The following NUP214 variants were observed in gnomAD, a reference collection of about 807,000 sequenced individuals.
NUP214 encodes nuclear pore complex protein Nup214.
In NUP214, 79 loss-of-function variants were observed where a neutral mutation model predicts 196.2. The ratio of observed to expected loss-of-function variants is 0.40; its 90% CI spans 0.34 to 0.49. NUP214 has a LOEUF of 0.49. NUP214 is among the 20% of genes least tolerant of loss of function. NUP214 has a pLI of 0.58. For synonymous variants in NUP214, 1,020 were observed against 990.5 expected (o/e 1.03, Z -0.56); for missense variants, 2,468 against 2,539.0 (o/e 0.97, Z 0.60).
intron 6 of NUP214, 39 bp from the exon 7 acceptor site, chr9:131,133,067 G>A (rs1292644353): frequency 1.4e-6 from 2 of 1,474,494 alleles, no homozygotes; most frequent in African/African-American, 2.8e-5. Flanking sequence ...TCTGGTTGCT[G>A]TCATTTTTAT....
At chr9:131,185,946 A>G (rs1833440486) in intron 24 of NUP214, among the ~76,000 whole-genome samples, 2 of 152,260 alleles carry the variant, frequency 1.3e-5, no homozygotes, top group Admixed American at 6.5e-5. Context: ...AAAATTTTCT[A>G]AAATTTGGAT....
chr9:131,143,257 C>A (rs2133486736), intron 11 of NUP214, among the ~76,000 whole-genome samples: 1 of 152,284 alleles, frequency 6.6e-6, no homozygotes, highest in Non-Finnish European at 1.5e-5. Flanking sequence ...GGTCCTCCTG[C>A]TTTGCCCTCC....
At chr9:131,137,797 C>T (rs1322397382) in intron 9 of NUP214, among the ~76,000 whole-genome samples, 2 of 151,892 alleles carry the variant, frequency 1.3e-5, no homozygotes, top group Admixed American at 6.6e-5. Flanking sequence ...GTGATCCGCC[C>T]GCCTCAGCCT....
intron 11 of NUP214, among the ~76,000 whole-genome samples, chr9:131,144,022 T>A (rs941054886): frequency 1.3e-5 from 2 of 152,230 alleles, no homozygotes; most frequent in Non-Finnish European, 2.9e-5. Flanking sequence ...CTGAACTGTT[T>A]TGTGTGCCAT....
intron 32 of NUP214, among the ~76,000 whole-genome samples, chr9:131,224,936 A>G (rs1372985874): frequency 6.6e-6 from 1 of 152,228 alleles, no homozygotes; most frequent in Non-Finnish European, 1.5e-5. Context: ...CGGTTTTCCT[A>G]TATATGGTTC....
chr9:131,181,275 G>A (rs1833271258), intron 24 of NUP214, among the ~76,000 whole-genome samples: 1 of 152,150 alleles, frequency 6.6e-6, no homozygotes, highest in Non-Finnish European at 1.5e-5. Flanking sequence ...GAGAGTAGAG[G>A]GAACAAGAGG....
In NUP214 at chr9:131,169,033, TG is replaced by T. The variant is rs1459866765; in HGVS notation, c.2893+4890del. On this transcript the variant is annotated intron_variant, in intron 21 of 35. Coordinates refer to ENST00000359428, the MANE Select transcript of NUP214 (RefSeq NM_005085.4). ...GTATTCTGCTTACTTTGTTTTTTTT[TG>T]TTTTTTTTTTTTTTTTGGAGACAGA... 2.0e-3 allele frequency among the ~76,000 whole-genome samples: 113 copies of T among 55,370 alleles called. 1 individual carries two copies. The South Asian group carries it at 0.062, about 30-fold the overall frequency. The allele number at this position is 55,370 out of a possible 152,430, so 36.3% of individuals were successfully genotyped here.
At chr9:131,185,702 G>C (rs1833432904) in intron 24 of NUP214, among the ~76,000 whole-genome samples, 1 of 152,144 alleles carries the variant, frequency 6.6e-6, no homozygotes, top group African/African-American at 2.4e-5. Context: ...ATCTTGATAA[G>C]AGATTTATTG....
chr9:131,170,186 A>T (rs1039096064), intron 21 of NUP214, among the ~76,000 whole-genome samples: 2 of 152,176 alleles, frequency 1.3e-5, no homozygotes, highest in African/African-American at 4.8e-5. Flanking sequence ...CCACAATAAA[A>T]AAATAAATAA....
chr9:131,170,120 T>C (rs921680482), intron 21 of NUP214, among the ~76,000 whole-genome samples: 16 of 152,156 alleles, frequency 1.1e-4, no homozygotes, highest in African/African-American at 3.6e-4. Context: ...ATTTATGCCA[T>C]GGAACTGTAC....
chr9:131,158,600 T>C (rs916846623), intron 17 of NUP214, among the ~76,000 whole-genome samples: 1 of 152,220 alleles, frequency 6.6e-6, no homozygotes, highest in African/African-American at 2.4e-5. Context: ...ATGCTGTGAA[T>C]AGATAGGTTT....
chr9:131,128,592 G>C (rs1831436082), intron 3 of NUP214, 109 bp downstream of exon 3: 2 of 928,090 alleles, frequency 2.2e-6, no homozygotes, highest in Non-Finnish European at 1.5e-6. Flanking sequence ...TTTCTCTCTA[G>C]ATTAAAATAT....
intron 28 of NUP214, 37 bp from the exon 29 acceptor site, chr9:131,197,179 A>G (rs1207701480): frequency 6.2e-7 from 1 of 1,600,536 alleles, no homozygotes; most frequent in African/African-American, 1.3e-5. Context: ...ATCTTTTGCT[A>G]AATCCAACCC....
intron 23 of NUP214, among the ~76,000 whole-genome samples, chr9:131,177,565 G>T (rs188914126): frequency 6.6e-6 from 1 of 152,128 alleles, no homozygotes; most frequent in East Asian, 1.9e-4. Flanking sequence ...TTGAAAGAGG[G>T]AATAAAAGAG....
chr9:131,178,516 C>T (rs1262494390), intron 24 of NUP214, 106 bp downstream of exon 24: 7 of 770,616 alleles, frequency 9.1e-6, no homozygotes, highest in Non-Finnish European at 1.5e-5. Flanking sequence ...TTTTCCTGCA[C>T]CGCCTTAGGT....
intron 2 of NUP214, 72 bp from the exon 3 acceptor site, chr9:131,128,260 G>A (rs1378910905): frequency 2.7e-6 from 4 of 1,457,812 alleles, no homozygotes; most frequent in African/African-American, 1.4e-5. Context: ...TTTTCACATC[G>A]AACTGGATAG....
chr9:131,164,498 T>C (rs1044153899), intron 21 of NUP214: 1 of 180,170 alleles, frequency 5.6e-6, no homozygotes, highest in Non-Finnish European at 1.2e-5. Context: ...GGTTTACTTT[T>C]CTGATTTGTG....
intron 22 of NUP214, among the ~76,000 whole-genome samples, chr9:131,174,658 T>C (rs1833064174): frequency 1.3e-5 from 2 of 152,004 alleles, no homozygotes; most frequent in African/African-American, 4.8e-5. Context: ...CATGTTGTGT[T>C]GGCCAGGCTG....
chr9:131,199,136 T>A, intron 29 of NUP214, 121 bp downstream of exon 29: 1 of 1,240,266 alleles, frequency 8.1e-7, no homozygotes, highest in Non-Finnish European at 1.1e-6. Context: ...ATCTGTAGGT[T>A]AAAGAAGACA....
Sources: gnomAD v4.1 joint callset for allele counts (sites outside exome capture counted in the v4.1 genomes callset) on GRCh38, gnomAD v4.1.1 for gene constraint, MANE v1.5 for transcripts, NCBI Gene and HGNC (gene_info 2026-07-23, HGNC 2026-07-21) for gene names.